NPR3: variants seen among roughly 807,000 people sequenced by gnomAD.
The protein encoded by NPR3 is atrial natriuretic peptide receptor 3.
Under a neutral mutation model 54.5 loss-of-function variants are expected in NPR3, and 34 were observed. The observed-to-expected ratio is 0.62, with a 90% CI of 0.47 to 0.83. The LOEUF (loss-of-function observed/expected upper bound fraction) is 0.83. Ranked by LOEUF, NPR3 falls within the 40% of genes least tolerant of loss-of-function variation. The probability of loss-of-function intolerance (pLI) is 0.00; values close to 1 mark genes in which losing one functional copy is unlikely to be tolerated. For synonymous variants in NPR3, 289 were observed against 297.1 expected (o/e 0.97, Z 0.28); for missense variants, 674 against 720.8 (o/e 0.94, Z 0.74).
chr5:32,772,103 G>A (rs1344300230), intron 3 of NPR3, among the ~76,000 whole-genome samples: 1 of 152,188 alleles, frequency 6.6e-6, no homozygotes, highest in Admixed American at 6.5e-5. Flanking sequence ...AATTGGCATA[G>A]CCAAATGAGC....
chr5:32,691,728 C>T (rs1740392951), intron 1 of NPR3, among the ~76,000 whole-genome samples: 1 of 152,218 alleles, frequency 6.6e-6, no homozygotes, highest in Non-Finnish European at 1.5e-5. Flanking sequence ...CAGGAAAATG[C>T]TCACGTAAGT....
intron 1 of NPR3, among the ~76,000 whole-genome samples, chr5:32,700,485 T>C (rs578110856): frequency 6.6e-6 from 1 of 152,232 alleles, no homozygotes; most frequent in East Asian, 1.9e-4. Flanking sequence ...CCATATTGGT[T>C]TGCTGCACCC....
intron 4 of NPR3, among the ~76,000 whole-genome samples, chr5:32,775,980 T>G (rs1021464001): frequency 2.0e-5 from 3 of 152,156 alleles, no homozygotes; most frequent in African/African-American, 7.2e-5. Flanking sequence ...GCTAGGAAAT[T>G]TAAACAGTAC....
Position 32,712,493 on chromosome 5 carries a change from C to T in NPR3, c.717C>T (p.Thr239=), listed in dbSNP as rs1472773791. 1 of 1,565,412 alleles carries T rather than the reference C, an allele frequency of 6.4e-7. No homozygotes were observed. The highest frequency in any genetic ancestry group is 8.6e-7 in the Non-Finnish European group (1 of 1,157,780). ...LHTSIYSFDE[T]KDLDLEDIVR... Reference sequence around the variant, plus strand: ...CGTCCATCTACAGTTTCGACGAGACCAAAGACTTGGATCTGGAAGACATCG... The same window carrying T: ...CGTCCATCTACAGTTTCGACGAGACTAAAGACTTGGATCTGGAAGACATCG... Residue 239 remains threonine, a synonymous_variant, in exon 1 of 8, where the codon ACC becomes ACT. Coordinates refer to ENST00000265074, the MANE Select transcript of NPR3 (RefSeq NM_001204375.2).
intron 3 of NPR3, among the ~76,000 whole-genome samples, chr5:32,749,181 A>C (rs1740447337): frequency 7.4e-6 from 1 of 134,438 alleles, no homozygotes; most frequent in Admixed American, 7.3e-5. Flanking sequence ...GGGCTGTTAT[A>C]ATTTAATAAG....
At chr5:32,783,945 A>G (rs1399288412) in intron 6 of NPR3, among the ~76,000 whole-genome samples, 1 of 152,236 alleles carries the variant, frequency 6.6e-6, no homozygotes, top group African/African-American at 2.4e-5. Flanking sequence ...CAAGTTAGCT[A>G]TTTATCACTT....
intron 1 of NPR3, among the ~76,000 whole-genome samples, chr5:32,716,996 A>AACCCCC (rs1561079842): frequency 3.6e-4 from 39 of 109,666 alleles, no homozygotes; most frequent in Non-Finnish European, 4.8e-4. Flanking sequence ...CCATCCCCCA[A>AACCCCC]CCCCCCCACC....
intron 3 of NPR3, among the ~76,000 whole-genome samples, chr5:32,755,416 T>C (rs16890235): frequency 0.13 from 19,182 of 152,170 alleles, 1,480 homozygotes; most frequent in African/African-American, 0.21. Flanking sequence ...AGCACACATA[T>C]AGTTAAGCCT....
intron 2 of NPR3, among the ~76,000 whole-genome samples, chr5:32,735,426 T>TA (rs2111932414): frequency 6.7e-6 from 1 of 150,248 alleles, no homozygotes; most frequent in South Asian, 2.1e-4. Context: ...CTCTTTTTTT[T>TA]ATAATAAAAG....
At position 32,724,965 on chromosome 5, in the gene NPR3, C is replaced by T. The variant is rs554719738; in HGVS notation, c.892+145C>T. The T allele has an allele frequency of 6.3e-4, 585 of 928,780 alleles. 5 individuals are homozygous for T. The African/African-American group carries it at 8.8e-3, about 14-fold the overall frequency. 57.5% of individuals were successfully genotyped at this position (928,780 alleles called of 1,614,324 possible). On this transcript the variant is annotated intron_variant, in intron 2 of 7. Transcript: ENST00000265074. ...GCTTTATAAAACAATGGAATCATGT[C>T]TTTTGCAGCAACATTAATGGAGCTG... is the stretch of plus-strand genomic sequence containing the variant.
At chr5:32,735,105 CA>C (rs768211994) in intron 2 of NPR3, among the ~76,000 whole-genome samples, 1 of 152,194 alleles carries the variant, frequency 6.6e-6, no homozygotes, top group African/African-American at 2.4e-5. Flanking sequence ...TGACACCCAG[CA>C]CGGTCTCTAG....
chr5:32,772,605 A>G (rs1304733410), intron 3 of NPR3, among the ~76,000 whole-genome samples: 1 of 152,252 alleles, frequency 6.6e-6, no homozygotes, highest in Non-Finnish European at 1.5e-5. Flanking sequence ...ATGGGCCAAT[A>G]ACATACATGA....
intron 3 of NPR3, among the ~76,000 whole-genome samples, chr5:32,771,159 A>G (rs913525325): frequency 1.3e-5 from 2 of 149,658 alleles, no homozygotes; most frequent in African/African-American, 4.9e-5. Context: ...TAGATGTGAG[A>G]ATGTTCTTCT....
chr5:32,728,835 G>GTATATATATATATATATA (rs1226669792), intron 2 of NPR3, among the ~76,000 whole-genome samples: 6 of 60,634 alleles, frequency 9.9e-5, no homozygotes, highest in Admixed American at 2.3e-4. Flanking sequence ...GTGTGTGTGT[G>GTATATATATATATATATA]TGTATATATA....
In NPR3 at chr5:32,780,704, TC is replaced by T; in HGVS notation, c.1196-17del. ...TTTTAAGTAACCAACGTTGAGTTCT[TC>T]GCTTCTGGTCCTGTAGGTATCGCCG... On this transcript the variant is annotated splice_polypyrimidine_tract_variant and intron_variant, in intron 4 of 7. Coordinates refer to ENST00000265074, the MANE Select transcript of NPR3 (RefSeq NM_001204375.2). 1 of 1,174,614 alleles carries T rather than the reference TC, an allele frequency of 8.5e-7. No individual in the cohort carries two copies. Among genetic ancestry groups the T allele is most frequent in the Non-Finnish European group, 1.3e-6 (1 of 778,642 alleles). 72.8% of individuals were successfully genotyped at this position (1,174,614 alleles called of 1,614,324 possible).
At chr5:32,731,351 T>G (rs2111917193) in intron 2 of NPR3, among the ~76,000 whole-genome samples, 1 of 152,344 alleles carries the variant, frequency 6.6e-6, no homozygotes, top group East Asian at 1.9e-4. Flanking sequence ...TTTTTCTGCC[T>G]GAGAGGCTCT....
chr5:32,757,651 G>A (rs1489515559), intron 3 of NPR3, among the ~76,000 whole-genome samples: 2 of 152,202 alleles, frequency 1.3e-5, no homozygotes, highest in Non-Finnish European at 2.9e-5. Context: ...AATAGGAGTG[G>A]TGAGAGAGGG....
chr5:32,789,693 C>T lies in NPR3; in HGVS notation c.*3348C>T. 1.9e-6 allele frequency: 1 copy of T among 534,678 alleles called. No homozygotes were observed. Among genetic ancestry groups the T allele is most frequent in the Non-Finnish European group, 3.8e-6 (1 of 260,082 alleles). 33.1% of individuals were successfully genotyped at this position (534,678 alleles called of 1,614,324 possible). On this transcript the variant is annotated 3_prime_UTR_variant, in exon 8 of 8. Coordinates refer to ENST00000265074, the MANE Select transcript of NPR3 (RefSeq NM_001204375.2). ...TCTTTGCCCCAAATGCATCACTTTC[C>T]TTTTAGTTATGGCTGATTTTGGGTG...
chr5:32,776,494 C>CA (rs1328513514), intron 4 of NPR3, among the ~76,000 whole-genome samples: 1 of 152,138 alleles, frequency 6.6e-6, no homozygotes, highest in Non-Finnish European at 1.5e-5. Flanking sequence ...TAGAAATTGC[C>CA]AAAAACTTCC....
Sources: gnomAD v4.1 joint callset for allele counts (sites outside exome capture counted in the v4.1 genomes callset) on GRCh38, gnomAD v4.1.1 for gene constraint, MANE v1.5 for transcripts, NCBI Gene and HGNC (gene_info 2026-07-23, HGNC 2026-07-21) for gene names.